CHST13: variants seen among roughly 807,000 people sequenced by gnomAD.
CHST13 encodes the protein carbohydrate sulfotransferase 13.
In CHST13, 1 loss-of-function variant was observed where a neutral mutation model predicts 7.0. The ratio of observed to expected loss-of-function variants is 0.14; its 90% CI spans 0.05 to 0.68. The LOEUF (loss-of-function observed/expected upper bound fraction) is 0.68, where lower values mean the gene tolerates loss of function less well. Ranked by LOEUF, CHST13 falls within the 30% of genes least tolerant of loss-of-function variation. CHST13 has a pLI of 0.82. For synonymous variants in CHST13, 257 were observed against 240.9 expected (o/e 1.07, Z -0.62); for missense variants, 572 against 507.9 (o/e 1.13, Z -1.21).
At position 126,524,382 on chromosome 3, in the gene CHST13, G is replaced by T. The variant is rs970714379; in HGVS notation, c.50G>T (p.Gly17Val). The change falls in exon 1 of 3, where the codon GGC becomes GTC. Residue 17 changes from glycine (G) to valine (V), a missense_variant. Physicochemically the swap from Gly to Val is moderately radical, Grantham distance 109 (BLOSUM62 -3). Transcript: ENST00000319340. ...RRRVLAAACL[G>V]AALLLLCAAP... is the part of the protein sequence containing the mutation. Reference sequence around the variant, plus strand: ...CGCGTGCTGGCGGCCGCCTGTCTGGGCGCCGCGCTCCTGCTCCTATGCGCC... The same window carrying T: ...CGCGTGCTGGCGGCCGCCTGTCTGGTCGCCGCGCTCCTGCTCCTATGCGCC... 2.4e-6 allele frequency: 3 copies of T among 1,236,368 alleles called. No individual in the cohort carries two copies. Among genetic ancestry groups the T allele is most frequent in the African/African-American group, 3.1e-5 (2 of 63,910 alleles). 76.6% of individuals were successfully genotyped at this position (1,236,368 alleles called of 1,614,324 possible).
In CHST13 at chr3:126,542,170, G is replaced by T; in HGVS notation, c.618G>T (p.Gln206His). Residue 206 changes from glutamine (Q) to histidine (H), a missense_variant, in exon 3 of 3, where the codon CAG becomes CAT. Coordinates refer to ENST00000319340, the MANE Select transcript of CHST13 (RefSeq NM_152889.3). ...GGCGCTACGGTGCACGCATCGTTCA[G>T]CGCCTGCGGCCGCGCGCGCTCCCCG... is the stretch of plus-strand genomic sequence containing the variant. Reference protein sequence around the residue: ...FQRRYGARIVQRLRPRALPDA... With the variant: ...FQRRYGARIVHRLRPRALPDA... 1 of 1,476,380 alleles carries T rather than the reference G, an allele frequency of 6.8e-7. No individual in the cohort carries two copies. Among genetic ancestry groups the T allele is most frequent in the South Asian group, 1.3e-5 (1 of 77,126 alleles). The allele number at this position is 1,476,380 out of a possible 1,614,324, so 91.5% of individuals were successfully genotyped here. A position where few individuals can be genotyped will look rare whatever the true frequency, so the allele number is the denominator to read the frequency against.
chr3:126,535,507 C>G (rs1204854649), intron 1 of CHST13, among the ~76,000 whole-genome samples: 1 of 151,258 alleles, frequency 6.6e-6, no homozygotes, highest in African/African-American at 2.4e-5. Context: ...CAGACAGTAT[C>G]GCTGTCCTCA....
At chr3:126,529,345 A>G in intron 1 of CHST13, 1 of 1,289,140 alleles carries the variant, frequency 7.8e-7, no homozygotes, top group Non-Finnish European at 1.0e-6. Flanking sequence ...GTATTTCCTC[A>G]TGGGTCAGTG....
chr3:126,541,594 C>A, intron 2 of CHST13, 139 bp from the exon 3 acceptor site: 1 of 704,316 alleles, frequency 1.4e-6, no homozygotes, highest in Non-Finnish European at 2.2e-6. Flanking sequence ...TGATCAGTGA[C>A]AGCCCTGGGG....
Position 126,542,335 on chromosome 3 carries a change from C to A in CHST13, c.783C>A (p.Tyr261Ter). 2 of 1,566,498 alleles carry A rather than the reference C, an allele frequency of 1.3e-6. No homozygotes were observed. The highest frequency in any genetic ancestry group is 2.4e-5 in the East Asian group (1 of 40,920). ...HALCHPCRLR[Y>*]DVVGKFETLA... ...TCTGCCACCCGTGTCGCCTCCGCTA[C>A]GACGTCGTGGGCAAGTTCGAGACGC... The change falls in exon 3 of 3, where the codon TAC (tyrosine) becomes TAA (stop). Residue 261 changes from tyrosine (Y) to a stop codon, truncating the protein, a stop_gained. Transcript: ENST00000319340. LOFTEE classifies it low-confidence loss of function (END_TRUNC).
At chr3:126,533,745 T>G (rs928540092) in intron 1 of CHST13, among the ~76,000 whole-genome samples, 1 of 152,210 alleles carries the variant, frequency 6.6e-6, no homozygotes, top group Admixed American at 6.5e-5. Context: ...TGTAATGAGT[T>G]GGGAAGTGTT....
Position 126,542,418 on chromosome 3 carries a change from C to G in CHST13, c.866C>G (p.Pro289Arg). The change falls in exon 3 of 3, where the codon CCT becomes CGT. Residue 289 changes from proline (P) to arginine (R), a missense_variant. Transcript: ENST00000319340. ...GLAGASDLSF[P>R]GPPRPRGAAA... The stretch of plus-strand genomic sequence containing the variant: ...GCGGGCGCATCCGACCTGAGCTTCC[C>G]TGGGCCGCCGCGGCCCCGGGGAGCC... The G allele has an allele frequency of 6.4e-7, 1 of 1,553,974 alleles. No homozygotes were observed. Among genetic ancestry groups the G allele is most frequent in the East Asian group, 2.5e-5 (1 of 39,892 alleles).
chr3:126,539,739 C>T (rs1936892893), intron 2 of CHST13, among the ~76,000 whole-genome samples: 1 of 104,472 alleles, frequency 9.6e-6, no homozygotes, highest in Non-Finnish European at 1.9e-5. Context: ...ACCACACACA[C>T]ACCCCACACC....
chr3:126,530,388 G>A (rs1393259017), intron 1 of CHST13, among the ~76,000 whole-genome samples: 1 of 152,246 alleles, frequency 6.6e-6, no homozygotes, highest in African/African-American at 2.4e-5. Context: ...GTTTCCGGAA[G>A]GCTGGGAGCC....
chr3:126,542,330 C>T lies in CHST13; in HGVS notation c.778C>T (p.Arg260Cys), dbSNP rs1421698672. The T allele has an allele frequency of 1.9e-6, 3 of 1,567,420 alleles. No homozygotes were observed. Among genetic ancestry groups the T allele is most frequent in the Non-Finnish European group, 2.6e-6 (3 of 1,159,352 alleles). Reference protein sequence around the residue: ...AHALCHPCRLRYDVVGKFETL... With the variant: ...AHALCHPCRLCYDVVGKFETL... ...CGCGCTCTGCCACCCGTGTCGCCTC[C>T]GCTACGACGTCGTGGGCAAGTTCGA... Residue 260 changes from arginine to cysteine, a missense_variant, in exon 3 of 3, where the codon CGC (arginine) becomes TGC (cysteine). By Grantham distance (180) the Arg-to-Cys change is radical (BLOSUM62 -3). Coordinates refer to ENST00000319340, the MANE Select transcript of CHST13 (RefSeq NM_152889.3).
chr3:126,542,118 C>T lies in CHST13; in HGVS notation c.566C>T (p.Ala189Val). Residue 189 changes from alanine to valine, a missense_variant, in exon 3 of 3, where the codon GCG becomes GTG. Transcript: ENST00000319340. Reference protein sequence around the residue: ...RLASAYRNKLARPYSAAFQRR... With the variant: ...RLASAYRNKLVRPYSAAFQRR... Reference sequence around the variant, plus strand: ...GCATCGGCTTACCGCAACAAGCTCGCGCGCCCCTACAGCGCCGCCTTCCAG... The same window carrying T: ...GCATCGGCTTACCGCAACAAGCTCGTGCGCCCCTACAGCGCCGCCTTCCAG... 6.3e-7 allele frequency: 1 copy of T among 1,577,202 alleles called. No homozygotes were observed. Among genetic ancestry groups the T allele is most frequent in the South Asian group, 1.1e-5 (1 of 89,156 alleles).
chr3:126,541,910 T>C lies in CHST13; in HGVS notation c.358T>C (p.Trp120Arg), dbSNP rs745388619. ...CYVPKVACTN[W>R]KRVLLALSGQ... Reference sequence around the variant, plus strand: ...CGTGCCCAAGGTGGCCTGCACCAACTGGAAGCGCGTGCTGCTGGCGCTGAG... The same window carrying C: ...CGTGCCCAAGGTGGCCTGCACCAACCGGAAGCGCGTGCTGCTGGCGCTGAG... Residue 120 changes from tryptophan (W) to arginine (R), a missense_variant, in exon 3 of 3, where the codon TGG becomes CGG. Physicochemically the swap from Trp to Arg is moderately radical, Grantham distance 101. Coordinates refer to ENST00000319340, the MANE Select transcript of CHST13 (RefSeq NM_152889.3). The C allele has an allele frequency of 1.9e-5, 31 of 1,599,512 alleles. No individual in the cohort carries two copies. The highest frequency in any genetic ancestry group is 2.6e-5 in the Non-Finnish European group (30 of 1,173,712).
rs758922253 is a variant in CHST13, at chr3:126,524,407, C to T, written c.75C>T (p.Ala25=). ...CLGAALLLLC[A]APRSLRPAFG... ...GCGCCGCGCTCCTGCTCCTATGCGC[C>T]GCGCCCCGCTCCCTGCGCCCGGGTG... is the stretch of plus-strand genomic sequence containing the variant. Residue 25 remains alanine (A), a synonymous_variant, in exon 1 of 3, where the codon GCC becomes GCT. Transcript: ENST00000319340. 223 of 1,198,862 alleles carry T rather than the reference C, an allele frequency of 1.9e-4. 1 individual carries two copies. The highest frequency in any genetic ancestry group is 1.3e-3 in the South Asian group (33 of 24,906). 74.3% of individuals were successfully genotyped at this position (1,198,862 alleles called of 1,614,324 possible).
At chr3:126,539,876 CA>C (rs1936910050) in intron 2 of CHST13, among the ~76,000 whole-genome samples, 1 of 156 alleles carries the variant, frequency 6.4e-3, no homozygotes, top group Non-Finnish European at 0.011. Context: ...ACCACACACA[CA>C]CACAAACACA....
intron 2 of CHST13, among the ~76,000 whole-genome samples, chr3:126,539,950 C>CCA (rs1206680194): frequency 6.7e-6 from 1 of 148,370 alleles, no homozygotes; most frequent in Middle Eastern, 3.4e-3. Context: ...GCCACACCTG[C>CCA]CACACATGCC....
In CHST13 at chr3:126,542,128, C is replaced by G; in HGVS notation, c.576C>G (p.Tyr192Ter). 1 of 1,569,914 alleles carries G rather than the reference C, an allele frequency of 6.4e-7. No homozygotes were observed. The highest frequency in any genetic ancestry group is 1.4e-5 in the African/African-American group (1 of 71,716). The part of the protein sequence containing the change: ...SAYRNKLARP[Y>*]SAAFQRRYGA... ...ACCGCAACAAGCTCGCGCGCCCCTACAGCGCCGCCTTCCAGAGGCGCTACG... is the reference window on the plus strand; with the variant it reads ...ACCGCAACAAGCTCGCGCGCCCCTAGAGCGCCGCCTTCCAGAGGCGCTACG... The change falls in exon 3 of 3, where the codon TAC becomes TAG. Residue 192 changes from tyrosine to a stop codon, truncating the protein, a stop_gained. Transcript: ENST00000319340. LOFTEE classifies it low-confidence loss of function (END_TRUNC).
intron 1 of CHST13, chr3:126,529,113 A>G (rs1335730851): frequency 7.6e-6 from 3 of 394,426 alleles, no homozygotes; most frequent in African/African-American, 2.1e-5. Flanking sequence ...ATCCCCCTAC[A>G]TGATGGCTGT....
At position 126,542,631 on chromosome 3, in the gene CHST13, C is replaced by A. The variant is rs1043520265; in HGVS notation, c.*53C>A. ...GGGCAAGTGCCTTTCCGACAAGACCCCCGGGGAATGCAGGTGCTGCCGGCC... is the reference window on the plus strand; with the variant it reads ...GGGCAAGTGCCTTTCCGACAAGACCACCGGGGAATGCAGGTGCTGCCGGCC... On this transcript the variant is annotated 3_prime_UTR_variant, in exon 3 of 3. Coordinates refer to ENST00000319340, the MANE Select transcript of CHST13 (RefSeq NM_152889.3). 7.0e-7 allele frequency: 1 copy of A among 1,419,024 alleles called. No homozygotes were observed. 87.9% of individuals were successfully genotyped at this position (1,419,024 alleles called of 1,614,324 possible). A position where few individuals can be genotyped will look rare whatever the true frequency, so the allele number is the denominator to read the frequency against.
intron 2 of CHST13, among the ~76,000 whole-genome samples, chr3:126,539,805 CCACACACCACAAACACACAT>C: frequency 1.4e-5 from 1 of 73,708 alleles, no homozygotes; most frequent in Non-Finnish European, 2.6e-5. Flanking sequence ...AGACACCACA[CCACACACCACAAACACACAT>C]ACCACACACA....
Sources: allele counts gnomAD v4.1 joint callset (sites outside exome capture counted in the v4.1 genomes callset), GRCh38; gene constraint gnomAD v4.1.1; transcripts MANE v1.5; gene names NCBI Gene and HGNC (gene_info 2026-07-23, HGNC 2026-07-21).